CLNK: variants seen among roughly 807,000 people sequenced by gnomAD.
CLNK encodes cytokine-dependent hematopoietic cell linker.
In CLNK, 74 loss-of-function variants were observed where a neutral mutation model predicts 68.6. The observed-to-expected ratio is 1.08, with a 90% CI of 0.89 to 1.31. CLNK has a LOEUF of 1.31. CLNK is among the 50% of genes most tolerant of loss of function. The pLI is 0.00. For synonymous variants in CLNK, 198 were observed against 172.2 expected (o/e 1.15, Z -1.17); for missense variants, 553 against 515.3 (o/e 1.07, Z -0.71).
At chr4:10,596,686 A>G (rs1194713436) in intron 3 of CLNK, among the ~76,000 whole-genome samples, 1 of 151,944 alleles carries the variant, frequency 6.6e-6, no homozygotes, top group African/African-American at 2.4e-5. Flanking sequence ...TTTTTTTTAA[A>G]TTTAGGTTTA....
At chr4:10,506,497 A>G (rs1489103681) in intron 17 of CLNK, among the ~76,000 whole-genome samples, 2 of 152,144 alleles carry the variant, frequency 1.3e-5, no homozygotes, top group Admixed American at 1.3e-4. Flanking sequence ...AACCTACCAT[A>G]TCCTGACTAT....
chr4:10,691,572 A>C, the CLNK span, among the ~76,000 whole-genome samples: 1 of 152,088 alleles, frequency 6.6e-6, no homozygotes, highest in Non-Finnish European at 1.5e-5. Flanking sequence ...TGTTTAGACA[A>C]ATCTGGCTGG....
chr4:10,706,478 A>G, the CLNK span, among the ~76,000 whole-genome samples: 2 of 152,332 alleles, frequency 1.3e-5, no homozygotes, highest in South Asian at 4.1e-4. Context: ...TTCACTGGGC[A>G]AGGGAAATAC....
chr4:10,656,248 C>T (rs1207551999), intron 2 of CLNK, among the ~76,000 whole-genome samples: 1 of 138,350 alleles, frequency 7.2e-6, no homozygotes, highest in Non-Finnish European at 1.5e-5. Context: ...AAGAGAATAA[C>T]AACTCAAGTC....
the CLNK span, among the ~76,000 whole-genome samples, chr4:10,693,522 G>A: frequency 6.6e-6 from 1 of 152,208 alleles, no homozygotes; most frequent in Non-Finnish European, 1.5e-5. Context: ...GAAGCTGAAA[G>A]GGGCAAGGAA....
intron 4 of CLNK, among the ~76,000 whole-genome samples, chr4:10,582,149 A>AT (rs1222599783): frequency 1.3e-5 from 2 of 152,132 alleles, no homozygotes; most frequent in Non-Finnish European, 1.5e-5. Flanking sequence ...TCAACTATCA[A>AT]TTTTTTTATT....
chr4:10,487,262 T>C lies in CLNK; in HGVS notation c.*3205A>G, dbSNP rs1716386021. Reference sequence around the variant, plus strand: ...AGCAGGTAGACCATGAATAGGATAATTGCATATGGAGACCTTGGTTCCAGT... The same window carrying C: ...AGCAGGTAGACCATGAATAGGATAACTGCATATGGAGACCTTGGTTCCAGT... On this transcript the variant is annotated 3_prime_UTR_variant, in exon 19 of 19. Coordinates refer to ENST00000226951, the MANE Select transcript of CLNK (RefSeq NM_052964.4). 1 of 152,194 alleles carries C rather than the reference T, an allele frequency of 6.6e-6. No homozygotes were observed. Among genetic ancestry groups the C allele is most frequent in the Admixed American group, 6.5e-5 (1 of 15,288 alleles). 9.4% of individuals were successfully genotyped at this position (152,194 alleles called of 1,614,324 possible).
chr4:10,642,701 C>G (rs1286122733), intron 2 of CLNK, among the ~76,000 whole-genome samples: 1 of 152,128 alleles, frequency 6.6e-6, no homozygotes. Context: ...CAACAATGAC[C>G]CAACCTAACT....
At chr4:10,585,969 A>G (rs907476768) in intron 3 of CLNK, among the ~76,000 whole-genome samples, 5 of 152,118 alleles carry the variant, frequency 3.3e-5, no homozygotes, top group African/African-American at 1.2e-4. Flanking sequence ...GGATGAAGGG[A>G]AGAAATTGTT....
chr4:10,556,839 A>G (rs985032156), intron 8 of CLNK, among the ~76,000 whole-genome samples: 2 of 152,112 alleles, frequency 1.3e-5, no homozygotes, highest in Non-Finnish European at 2.9e-5. Context: ...GCACTTTGGG[A>G]GGCCGAGGTG....
At chr4:10,501,163 C>A (rs116499739) in intron 18 of CLNK, 93 bp downstream of exon 18, 256 of 1,265,064 alleles carry the variant, frequency 2.0e-4, no homozygotes, top group Non-Finnish European at 2.6e-4. Flanking sequence ...TCCTTCAGGG[C>A]GGCATCCTCT....
chr4:10,526,466 T>A (rs1220114062), intron 13 of CLNK, among the ~76,000 whole-genome samples: 2 of 152,166 alleles, frequency 1.3e-5, no homozygotes, highest in Non-Finnish European at 2.9e-5. Context: ...AAGTACTACT[T>A]TGGGATACAG....
At chr4:10,534,791 GAC>G (rs759817763) in intron 11 of CLNK, among the ~76,000 whole-genome samples, 2 of 152,114 alleles carry the variant, frequency 1.3e-5, no homozygotes, top group African/African-American at 4.8e-5. Flanking sequence ...AAATAATACA[GAC>G]AGTTCCTATG....
At chr4:10,706,050 G>A in the CLNK span, among the ~76,000 whole-genome samples, 8 of 152,346 alleles carry the variant, frequency 5.3e-5, no homozygotes, top group African/African-American at 1.9e-4. Context: ...AATGTGTGGA[G>A]AAGAGGAACC....
intron 1 of CLNK, among the ~76,000 whole-genome samples, chr4:10,673,796 C>T (rs1485023899): frequency 1.3e-5 from 2 of 151,646 alleles, no homozygotes; most frequent in African/African-American, 2.4e-5. Flanking sequence ...GGCTGTGGAG[C>T]GTCAGCCTTG....
chr4:10,510,644 G>A (rs1189664601), intron 16 of CLNK, among the ~76,000 whole-genome samples: 1 of 152,136 alleles, frequency 6.6e-6, no homozygotes, highest in Non-Finnish European at 1.5e-5. Flanking sequence ...TTAAGTCTGA[G>A]AAGAAGCATT....
chr4:10,490,892 G>A (rs558557399), intron 18 of CLNK, among the ~76,000 whole-genome samples: 1 of 152,048 alleles, frequency 6.6e-6, no homozygotes, highest in South Asian at 2.1e-4. Context: ...AGCCTCCCAA[G>A]TAGCTGGGAT....
At chr4:10,492,441 T>C (rs1356509711) in intron 18 of CLNK, among the ~76,000 whole-genome samples, 2 of 152,162 alleles carry the variant, frequency 1.3e-5, no homozygotes, top group Admixed American at 1.3e-4. Flanking sequence ...AGAATGAGAT[T>C]GGCCAGTTAG....
At chr4:10,718,805 T>C in the CLNK span, among the ~76,000 whole-genome samples, 1 of 152,040 alleles carries the variant, frequency 6.6e-6, no homozygotes, top group African/African-American at 2.4e-5. Flanking sequence ...TTATGTTTAA[T>C]GGTAAAGCAA....
Sources: allele counts gnomAD v4.1 joint callset (sites outside exome capture counted in the v4.1 genomes callset), GRCh38; gene constraint gnomAD v4.1.1; transcripts MANE v1.5; gene names NCBI Gene and HGNC (gene_info 2026-07-23, HGNC 2026-07-21).